Variants in FAM184B observed in about 807,000 individuals in gnomAD.
FAM184B encodes family with sequence similarity 184 member B.
In FAM184B, 111 loss-of-function variants were observed where a neutral mutation model predicts 135.9. That is an observed-to-expected ratio of 0.82 (90% CI 0.70 to 0.96). The LOEUF is 0.96. FAM184B is among the 40% of genes least tolerant of loss of function. FAM184B has a pLI of 0.00. For missense variants in FAM184B, 1,375 were observed against 1,323.9 expected (o/e 1.04, Z -0.60); for synonymous variants, 552 against 524.8 (o/e 1.05, Z -0.71).
chr4:17,732,937 A>G (rs1168538453), intron 1 of FAM184B, among the ~76,000 whole-genome samples: 3 of 152,246 alleles, frequency 2.0e-5, no homozygotes, highest in African/African-American at 4.8e-5. Flanking sequence ...AGAATCCTCA[A>G]TAAAATACTG....
At chr4:17,715,781 A>T (rs182484298) in intron 1 of FAM184B, among the ~76,000 whole-genome samples, 2,234 of 150,576 alleles carry the variant, frequency 0.015, 22 homozygotes, top group South Asian at 0.025. Flanking sequence ...TTGTCAGTTT[A>T]AAAAAAAAGA....
At chr4:17,654,395 C>T (rs1453196210) in intron 10 of FAM184B, among the ~76,000 whole-genome samples, 1 of 152,140 alleles carries the variant, frequency 6.6e-6, no homozygotes, top group Non-Finnish European at 1.5e-5. Flanking sequence ...TGTTACCCAG[C>T]TGGTCTCAAA....
intron 1 of FAM184B, among the ~76,000 whole-genome samples, chr4:17,733,594 A>G (rs1456118450): frequency 6.6e-6 from 1 of 152,188 alleles, no homozygotes. Flanking sequence ...TTCAAAGAGA[A>G]TAAAATACCT....
intron 1 of FAM184B, among the ~76,000 whole-genome samples, chr4:17,710,255 C>T (rs1453328578): frequency 6.6e-6 from 1 of 152,026 alleles, no homozygotes; most frequent in Non-Finnish European, 1.5e-5. Flanking sequence ...ACCCAGGAGG[C>T]GGAGGTTGCA....
At chr4:17,761,576 G>C (rs1185256790) in intron 1 of FAM184B, among the ~76,000 whole-genome samples, 1 of 152,166 alleles carries the variant, frequency 6.6e-6, no homozygotes, top group Non-Finnish European at 1.5e-5. Context: ...GCCCAGCCTA[G>C]AGTGCAGTGG....
At chr4:17,635,147 C>G (rs954147919) in intron 15 of FAM184B, 34 bp from the exon 16 acceptor site, 166 of 1,495,076 alleles carry the variant, frequency 1.1e-4, no homozygotes, top group Non-Finnish European at 1.5e-4. Flanking sequence ...CTAAATGAGC[C>G]TAACCACACA....
intron 6 of FAM184B, among the ~76,000 whole-genome samples, chr4:17,688,754 C>T (rs1161270109): frequency 7.1e-6 from 1 of 141,156 alleles, no homozygotes; most frequent in Non-Finnish European, 1.5e-5. Flanking sequence ...TGCAGTGGCA[C>T]AATCTTGGCT....
At chr4:17,676,586 A>G (rs756843835) in intron 7 of FAM184B, among the ~76,000 whole-genome samples, 2 of 152,212 alleles carry the variant, frequency 1.3e-5, no homozygotes, top group Non-Finnish European at 2.9e-5. Context: ...AAACCAATAA[A>G]TTTGTGTGAC....
chr4:17,685,213 A>G (rs539589408), intron 7 of FAM184B, among the ~76,000 whole-genome samples: 115 of 151,088 alleles, frequency 7.6e-4, no homozygotes, highest in African/African-American at 2.7e-3. Context: ...AAAAAAAAAA[A>G]AAAAAGAAAC....
intron 5 of FAM184B, among the ~76,000 whole-genome samples, chr4:17,696,834 A>AATG (rs56155024): frequency 0.59 from 85,968 of 145,024 alleles, 25,921 homozygotes; most frequent in East Asian, 0.91. Context: ...ATGAATGAAT[A>AATG]AATAAATAAA....
In FAM184B at chr4:17,710,483, C is replaced by CTGTCTCAATAGACACAGAAA. The variant is rs1322173764; in HGVS notation, c.142-840_142-839insTTTCTGTGTCTATTGAGACA. Among the ~76,000 whole-genome samples, 4 of 152,234 alleles carry CTGTCTCAATAGACACAGAAA rather than the reference C, an allele frequency of 2.6e-5. No individual in the cohort carries two copies. In the East Asian group the frequency reaches 7.7e-4, roughly 29 times the overall value. ...AATAGACACAGAAAAAAATATTTGA[C>CTGTCTCAATAGACACAGAAA]AAAATTAAACATCTTTGCATGATAA... On this transcript the variant is annotated intron_variant, in intron 1 of 17. Coordinates refer to ENST00000265018, the MANE Select transcript of FAM184B (RefSeq NM_015688.2).
chr4:17,780,701 G>C (rs141098329), intron 1 of FAM184B, among the ~76,000 whole-genome samples: 1 of 151,978 alleles, frequency 6.6e-6, no homozygotes, highest in Non-Finnish European at 1.5e-5. Context: ...GGTTTAGTAC[G>C]GTGCCACGCA....
intron 7 of FAM184B, among the ~76,000 whole-genome samples, chr4:17,687,588 T>C (rs945406354): frequency 2.6e-4 from 40 of 152,292 alleles, no homozygotes; most frequent in African/African-American, 8.7e-4. Flanking sequence ...GAGGTCATGC[T>C]GTAGTAGAGT....
At chr4:17,694,261 C>A (rs1054035491) in intron 5 of FAM184B, among the ~76,000 whole-genome samples, 1 of 152,180 alleles carries the variant, frequency 6.6e-6, no homozygotes, top group Non-Finnish European at 1.5e-5. Context: ...CGGTGGCTGA[C>A]GCCTGTAATC....
intron 1 of FAM184B, among the ~76,000 whole-genome samples, chr4:17,744,906 G>C (rs935251331): frequency 1.3e-5 from 2 of 152,190 alleles, no homozygotes; most frequent in African/African-American, 4.8e-5. Flanking sequence ...GAGGCAGCTG[G>C]AAGAGGTGAA....
intron 7 of FAM184B, among the ~76,000 whole-genome samples, chr4:17,672,222 A>T (rs1007068120): frequency 6.0e-5 from 9 of 150,852 alleles, no homozygotes; most frequent in African/African-American, 2.2e-4. Flanking sequence ...GAAAACTTGC[A>T]GGCCAGAAGG....
intron 8 of FAM184B, among the ~76,000 whole-genome samples, chr4:17,662,179 C>T (rs1715934564): frequency 6.6e-6 from 1 of 152,240 alleles, no homozygotes; most frequent in East Asian, 1.9e-4. Context: ...GTCAGCAATT[C>T]ATTCTTTTTG....
intron 16 of FAM184B, 76 bp from the exon 17 acceptor site, chr4:17,633,964 T>C: frequency 8.5e-7 from 1 of 1,176,598 alleles, no homozygotes; most frequent in Non-Finnish European, 1.1e-6. Context: ...AAGCAAATAA[T>C]GCTCACCCAA....
At position 17,708,886 on chromosome 4, in the gene FAM184B, C is replaced by A; in HGVS notation, c.894+6G>T. 1 of 1,496,496 alleles carries A rather than the reference C, an allele frequency of 6.7e-7. No homozygotes were observed. Among genetic ancestry groups the A allele is most frequent in the Non-Finnish European group, 8.9e-7 (1 of 1,120,498 alleles). The allele number at this position is 1,496,496 out of a possible 1,614,324, so 92.7% of individuals were successfully genotyped here. On this transcript the variant is annotated splice_donor_region_variant and intron_variant, in intron 2 of 17. Coordinates refer to ENST00000265018, the MANE Select transcript of FAM184B (RefSeq NM_015688.2). ...TTTGGGGTTGTAAGAAGAGATGCTG[C>A]TTTACCTGAATCCTCTCCTTCAGCT...
Sources: allele counts gnomAD v4.1 joint callset (sites outside exome capture counted in the v4.1 genomes callset), GRCh38; gene constraint gnomAD v4.1.1; transcripts MANE v1.5; gene names NCBI Gene and HGNC (gene_info 2026-07-23, HGNC 2026-07-21).